Variants in SGTB observed in about 807,000 individuals in gnomAD.
SGTB encodes the protein small glutamine-rich tetratricopeptide repeat-containing protein beta.
A neutral mutation model predicts 43.9 loss-of-function variants in SGTB; 19 were observed. That is an observed-to-expected ratio of 0.43 (90% confidence interval 0.30 to 0.63). The LOEUF (loss-of-function observed/expected upper bound fraction) is 0.63. Ranked by LOEUF, SGTB falls within the 30% of genes least tolerant of loss-of-function variation. The probability of loss-of-function intolerance (pLI) is 0.12; values close to 1 mark genes in which losing one functional copy is unlikely to be tolerated. For synonymous variants in SGTB, 116 were observed against 117.3 expected, an observed-to-expected ratio of 0.99 and a Z score of 0.07; for missense variants, 304 against 358.9, an observed-to-expected ratio of 0.85 and a Z score of 1.24.
intron 4 of SGTB, 104 bp from the exon 5 acceptor site, chr5:65,704,482 G>T: frequency 2.4e-6 from 2 of 843,522 alleles, no homozygotes; most frequent in Non-Finnish European, 1.7e-6. Context: ...TATGAAAGTC[G>T]GCCTCATGAT....
rs1424169966 is a variant in SGTB, at chr5:65,669,662, T to C, written c.*584A>G. On this transcript the variant is annotated 3_prime_UTR_variant, in exon 11 of 11. Transcript: ENST00000381007. Reference sequence around the variant, plus strand: ...ATCAAGTGCTACTTTCTAACAGCTCTTAAGATTCTCTGTTCACCAGAACAA... The same window carrying C: ...ATCAAGTGCTACTTTCTAACAGCTCCTAAGATTCTCTGTTCACCAGAACAA... 1 of 152,654 alleles carries C rather than the reference T, an allele frequency of 6.6e-6. No individual in the cohort carries two copies. Among genetic ancestry groups the C allele is most frequent in the African/African-American group, 2.4e-5 (1 of 41,468 alleles). The allele number at this position is 152,654 out of a possible 1,614,324, so 9.5% of individuals were successfully genotyped here. A position where few individuals can be genotyped will look rare whatever the true frequency, so the allele number is the denominator to read the frequency against.
intron 5 of SGTB, among the ~76,000 whole-genome samples, chr5:65,688,031 A>G (rs957500909): frequency 2.0e-4 from 30 of 152,180 alleles, no homozygotes; most frequent in Non-Finnish European, 3.7e-4. Flanking sequence ...GGCCTCCCCA[A>G]GTGCTGGGAT....
In SGTB at chr5:65,711,359, GA is replaced by G. The variant is rs758998393; in HGVS notation, c.204+1601del. Among the ~76,000 whole-genome samples, 785 of 140,906 alleles carry G rather than the reference GA, an allele frequency of 5.6e-3. 4 individuals are homozygous for G. The highest frequency in any genetic ancestry group is 0.013 in the African/African-American group (520 of 38,820). The allele number at this position is 140,906 out of a possible 152,430, so 92.4% of individuals were successfully genotyped here. On this transcript the variant is annotated intron_variant, in intron 3 of 10. Transcript: ENST00000381007. ...AAGTCAATTAGAGTTTCCTGAGAAG[GA>G]AAAAAAAAAAAAGTAGTTCTAATAT... is the stretch of plus-strand genomic sequence containing the variant.
intron 8 of SGTB, among the ~76,000 whole-genome samples, chr5:65,673,021 C>T (rs1757188359): frequency 6.6e-6 from 1 of 152,164 alleles, no homozygotes. Context: ...GATGTATGAG[C>T]TATAAACATG....
rs1758070785 is a variant in SGTB at position 65,712,956 on chromosome 5, C to T, written c.204+5G>A. The T allele has an allele frequency of 1.2e-6, 2 of 1,606,156 alleles. No homozygotes were observed. Among genetic ancestry groups the T allele is most frequent in the Non-Finnish European group, 8.5e-7 (1 of 1,174,132 alleles). The stretch of plus-strand genomic sequence containing the variant: ...GTTAATAATGAGAAAATAATGACAA[C>T]ATACCTTACAGAAGGAACTGGTAAA... On this transcript the variant is annotated splice_donor_5th_base_variant and intron_variant, in intron 3 of 10. Transcript: ENST00000381007.
At chr5:65,721,538 C>T (rs1416038914) in intron 1 of SGTB, among the ~76,000 whole-genome samples, 4 of 152,164 alleles carry the variant, frequency 2.6e-5, no homozygotes, top group African/African-American at 7.2e-5. Context: ...GCATTCATGG[C>T]TGATTTCCAC....
At chr5:65,716,494 T>C (rs1758153518) in intron 2 of SGTB, among the ~76,000 whole-genome samples, 1 of 152,148 alleles carries the variant, frequency 6.6e-6, no homozygotes, top group South Asian at 2.1e-4. Flanking sequence ...CCAGAGGTGG[T>C]ATAAGAGATG....
chr5:65,687,600 G>A (rs932171741), intron 5 of SGTB, among the ~76,000 whole-genome samples: 7 of 152,170 alleles, frequency 4.6e-5, no homozygotes, highest in Non-Finnish European at 8.8e-5. Context: ...AGCTCTTGTC[G>A]ACAGGTGATT....
chr5:65,682,730 A>C (rs1757420661), intron 6 of SGTB, among the ~76,000 whole-genome samples: 1 of 152,214 alleles, frequency 6.6e-6, no homozygotes, highest in South Asian at 2.1e-4. Flanking sequence ...TGTTAAGTTT[A>C]AATACCTATT....
intron 3 of SGTB, among the ~76,000 whole-genome samples, chr5:65,711,119 C>T (rs900505027): frequency 5.3e-5 from 8 of 151,798 alleles, no homozygotes; most frequent in East Asian, 1.9e-4. Flanking sequence ...GAGCTGAGAT[C>T]GCACCACTGC....
intron 3 of SGTB, among the ~76,000 whole-genome samples, chr5:65,709,222 CCTAT>C (rs918966648): frequency 8.5e-5 from 13 of 152,086 alleles, no homozygotes; most frequent in African/African-American, 2.9e-4. Flanking sequence ...TGTCTAATAT[CCTAT>C]CTAAGATATA....
intron 1 of SGTB, among the ~76,000 whole-genome samples, chr5:65,721,274 G>A (rs544770319): frequency 3.2e-4 from 49 of 152,318 alleles, no homozygotes; most frequent in African/African-American, 1.2e-3. Flanking sequence ...ACCCACTTTT[G>A]TAGGTTGAGA....
At chr5:65,704,049 AAAAT>A (rs1554025723) in intron 5 of SGTB, among the ~76,000 whole-genome samples, 92 of 139,574 alleles carry the variant, frequency 6.6e-4, no homozygotes, top group African/African-American at 7.8e-4. Context: ...AAAAAAAAAA[AAAAT>A]AAATAAATAA....
intron 8 of SGTB, among the ~76,000 whole-genome samples, chr5:65,679,897 A>G (rs1235990224): frequency 6.6e-6 from 1 of 152,242 alleles, no homozygotes; most frequent in African/African-American, 2.4e-5. Flanking sequence ...ACAATAGCAA[A>G]GACATGGAAT....
rs1336634261 is a variant in SGTB, at chr5:65,721,962, G to C, written c.-68C>G. 6.6e-6 allele frequency: 1 copy of C among 152,464 alleles called. No individual in the cohort carries two copies. The highest frequency in any genetic ancestry group is 6.5e-5 in the Admixed American group (1 of 15,288). The allele number at this position is 152,464 out of a possible 1,614,324, so 9.4% of individuals were successfully genotyped here. ...GACTGCTGCTGGCCCGCGGGGTTCC[G>C]TAGGCAGGCCCGCCCGACCCCTGGT... On this transcript the variant is annotated 5_prime_UTR_variant, in exon 1 of 11. Transcript: ENST00000381007.
intron 5 of SGTB, among the ~76,000 whole-genome samples, chr5:65,697,710 C>A (rs564251317): frequency 6.6e-6 from 1 of 152,232 alleles, no homozygotes; most frequent in African/African-American, 2.4e-5. Flanking sequence ...AAATGAAGTT[C>A]TCTAGTGAGG....
chr5:65,691,857 G>T (rs977471498), intron 5 of SGTB, among the ~76,000 whole-genome samples: 1 of 151,294 alleles, frequency 6.6e-6, no homozygotes, highest in African/African-American at 2.4e-5. Context: ...CGTGAACCCG[G>T]GAGGCGGAGC....
At chr5:65,694,638 G>C (rs1757684359) in intron 5 of SGTB, among the ~76,000 whole-genome samples, 1 of 151,944 alleles carries the variant, frequency 6.6e-6, no homozygotes, top group Non-Finnish European at 1.5e-5. Flanking sequence ...ACCACACCCA[G>C]CTAATTTTTT....
chr5:65,705,423 A>G (rs1757911110), intron 4 of SGTB, among the ~76,000 whole-genome samples: 1 of 152,236 alleles, frequency 6.6e-6, no homozygotes, highest in Non-Finnish European at 1.5e-5. Context: ...ACTGCATTCC[A>G]GCATGGGTGA....
Sources: allele counts gnomAD v4.1 joint callset (sites outside exome capture counted in the v4.1 genomes callset), GRCh38; gene constraint gnomAD v4.1.1; transcripts MANE v1.5; gene names NCBI Gene and HGNC (gene_info 2026-07-23, HGNC 2026-07-21).